ZFYVE28: variants seen among roughly 807,000 people sequenced by gnomAD.
ZFYVE28 encodes zinc finger FYVE-type containing 28.
In ZFYVE28, 40 loss-of-function variants were observed where a neutral mutation model predicts 82.1. The observed-to-expected ratio is 0.49, with a 90% CI of 0.38 to 0.63. The LOEUF (loss-of-function observed/expected upper bound fraction) is 0.63, where lower values mean the gene tolerates loss of function less well. ZFYVE28 is among the 30% of genes least tolerant of loss of function. The pLI is 0.00. For missense variants in ZFYVE28, 1,321 were observed against 1,242.1 expected (o/e 1.06, Z -0.96); for synonymous variants, 612 against 546.1 (o/e 1.12, Z -1.68).
At chr4:2,387,213 C>T (rs1369843655) in intron 1 of ZFYVE28, among the ~76,000 whole-genome samples, 1 of 148,686 alleles carries the variant, frequency 6.7e-6, no homozygotes, top group Non-Finnish European at 1.5e-5. Context: ...TGGCAGTCCA[C>T]TGGGAACCCG....
Position 2,339,141 on chromosome 4 carries a change from C to T in ZFYVE28, c.521+312G>A, listed in dbSNP as rs1315295767. On this transcript the variant is annotated intron_variant, in intron 4 of 12. Coordinates refer to ENST00000290974, the MANE Select transcript of ZFYVE28 (RefSeq NM_020972.3). The surrounding 1 kb of genome is among the most constrained non-coding windows in gnomAD (Gnocchi z 5.0). ...GCCTCTGTTTTCTTCTCACCTGTGA[C>T]GTCTCTTCATCTTCCGAGGCATCAT... is the stretch of plus-strand genomic sequence containing the variant. 3.9e-5 allele frequency among the ~76,000 whole-genome samples: 6 copies of T among 152,164 alleles called. No homozygotes were observed. The highest frequency in any genetic ancestry group is 6.5e-5 in the Admixed American group (1 of 15,276).
Position 2,418,265 on chromosome 4 carries a change from G to C in ZFYVE28, c.39+20C>G. 1.3e-6 allele frequency: 2 copies of C among 1,535,556 alleles called. No individual in the cohort carries two copies. The highest frequency in any genetic ancestry group is 1.8e-6 in the Non-Finnish European group (2 of 1,140,434). ...GAGGCCGCGACGCGGGGGGCGTCCGGCCCGAGCGGGGCCGCTCACCTTGGG... is the reference window on the plus strand; with the variant it reads ...GAGGCCGCGACGCGGGGGGCGTCCGCCCCGAGCGGGGCCGCTCACCTTGGG... On this transcript the variant is annotated intron_variant, in intron 1 of 12. Transcript: ENST00000290974. This position sits in a 1 kb window ranked among gnomAD's most constrained non-coding sequence, Gnocchi z 4.6.
chr4:2,281,981 C>T lies in ZFYVE28; in HGVS notation c.2052-7765G>A, dbSNP rs543731523. ...CAGTACGGGTGAGATACAGCCACAG[C>T]TCAAGTCACAGAAAGACAGGGAGCC... On this transcript the variant is annotated intron_variant, in intron 8 of 12. Transcript: ENST00000290974. 7.9e-5 allele frequency among the ~76,000 whole-genome samples: 12 copies of T among 152,322 alleles called. No individual in the cohort carries two copies. The South Asian group carries it at 2.3e-3, about 29-fold the overall frequency.
rs561837842 is a variant in ZFYVE28 at position 2,270,854 on chromosome 4, G to C, written c.2535C>G (p.Ile845Met). The C allele has an allele frequency of 6.2e-7, 1 of 1,612,728 alleles. No homozygotes were observed. The highest frequency in any genetic ancestry group is 1.3e-5 in the African/African-American group (1 of 75,046). The change falls in exon 13 of 13, where the codon ATC (isoleucine) becomes ATG (methionine). Residue 845 changes from isoleucine to methionine, a missense_variant and splice_region_variant. Physicochemically the swap from Ile to Met is conservative, Grantham distance 10. Coordinates refer to ENST00000290974, the MANE Select transcript of ZFYVE28 (RefSeq NM_020972.3). Reference protein sequence around the residue: ...RKHHCRSCGKIFCSRCSSHSA... With the variant: ...RKHHCRSCGKMFCSRCSSHSA... ...AGTGCGAGGAGCAGCGCGAGCAGAAGATCTGGAATGGGGTTGGGGCAGTGA... is the reference window on the plus strand; with the variant it reads ...AGTGCGAGGAGCAGCGCGAGCAGAACATCTGGAATGGGGTTGGGGCAGTGA...
At chr4:2,292,973 G>C (rs1713962204) in intron 8 of ZFYVE28, among the ~76,000 whole-genome samples, 1 of 152,158 alleles carries the variant, frequency 6.6e-6, no homozygotes, top group African/African-American at 2.4e-5. Context: ...GGACTGCAAG[G>C]CTGGCCGAAC....
In ZFYVE28 at chr4:2,273,044, T is replaced by G. The variant is rs1360635343; in HGVS notation, c.2323+129A>C. 6 of 736,120 alleles carry G rather than the reference T, an allele frequency of 8.2e-6. No homozygotes were observed. The East Asian group carries it at 1.6e-4, about 19-fold the overall frequency. The allele number at this position is 736,120 out of a possible 1,614,324, so 45.6% of individuals were successfully genotyped here. The stretch of plus-strand genomic sequence containing the variant: ...GTGCAGAGGTCAGGGGATCCTGGGG[T>G]CGACGATTGCTTGGTCGGGACCCTA... On this transcript the variant is annotated intron_variant, in intron 10 of 12. Coordinates refer to ENST00000290974, the MANE Select transcript of ZFYVE28 (RefSeq NM_020972.3).
At chr4:2,376,371 TAAAAAAAA>T (rs55652132) in intron 1 of ZFYVE28, among the ~76,000 whole-genome samples, 3 of 75,748 alleles carry the variant, frequency 4.0e-5, no homozygotes, top group Non-Finnish European at 4.8e-5. Context: ...ACCCTATCTC[TAAAAAAAA>T]AAAAAAAAAA....
At chr4:2,371,263 T>C (rs918083955) in intron 1 of ZFYVE28, among the ~76,000 whole-genome samples, 1 of 152,226 alleles carries the variant, frequency 6.6e-6, no homozygotes, top group Non-Finnish European at 1.5e-5. Flanking sequence ...GCCCGCGTCG[T>C]GCTCCCTGGC....
chr4:2,292,320 G>A (rs1480471463), intron 8 of ZFYVE28, among the ~76,000 whole-genome samples: 2 of 152,230 alleles, frequency 1.3e-5, no homozygotes, highest in South Asian at 2.1e-4. Context: ...GCAGCCATGG[G>A]CTGAACGATG....
intron 1 of ZFYVE28, among the ~76,000 whole-genome samples, chr4:2,389,658 G>A (rs979916606): frequency 1.7e-4 from 26 of 152,184 alleles, no homozygotes; most frequent in Admixed American, 1.6e-3. Flanking sequence ...TCCATTCCCC[G>A]ATCCGGCTCC....
intron 7 of ZFYVE28, among the ~76,000 whole-genome samples, chr4:2,313,555 G>A (rs1416341542): frequency 6.6e-6 from 1 of 152,104 alleles, no homozygotes; most frequent in Non-Finnish European, 1.5e-5. Flanking sequence ...ACTGCACTCA[G>A]CCTCCACATA....
At chr4:2,328,192 T>C (rs536286453) in intron 6 of ZFYVE28, among the ~76,000 whole-genome samples, 2 of 152,290 alleles carry the variant, frequency 1.3e-5, no homozygotes, top group South Asian at 2.1e-4. Context: ...AAATGTGGTA[T>C]ATATACACAA....
At chr4:2,334,956 C>T (rs1015368094) in intron 6 of ZFYVE28, among the ~76,000 whole-genome samples, 15 of 149,406 alleles carry the variant, frequency 1.0e-4, no homozygotes, top group African/African-American at 3.7e-4. Context: ...GGGGAATCCC[C>T]GTCTGGAGTC....
chr4:2,274,367 A>T, intron 8 of ZFYVE28, 151 bp from the exon 9 acceptor site: 9 of 985,010 alleles, frequency 9.1e-6, no homozygotes, highest in Non-Finnish European at 1.3e-5. Flanking sequence ...ACTTTCCTGT[A>T]ACTTCACCTA....
At chr4:2,284,700 G>C (rs1014050824) in intron 8 of ZFYVE28, among the ~76,000 whole-genome samples, 1 of 152,196 alleles carries the variant, frequency 6.6e-6, no homozygotes, top group Non-Finnish European at 1.5e-5. Context: ...CCGGGGGGCT[G>C]AGTCTGCAAT....
In ZFYVE28 at chr4:2,416,965, G is replaced by A. The variant is rs1365295998; in HGVS notation, c.39+1320C>T. 6.6e-6 allele frequency among the ~76,000 whole-genome samples: 1 copy of A among 152,234 alleles called. No individual in the cohort carries two copies. Among genetic ancestry groups the A allele is most frequent in the African/African-American group, 2.4e-5 (1 of 41,474 alleles). On this transcript the variant is annotated intron_variant, in intron 1 of 12. Coordinates refer to ENST00000290974, the MANE Select transcript of ZFYVE28 (RefSeq NM_020972.3). This position sits in a 1 kb window ranked among gnomAD's most constrained non-coding sequence, Gnocchi z 4.6. ...CCTGAGTGAGCCCTCAAACCTCCGT[G>A]CCGATCTTCCAAACCCACCTCCCGC...
intron 1 of ZFYVE28, among the ~76,000 whole-genome samples, chr4:2,356,567 G>A (rs574120771): frequency 2.0e-5 from 3 of 152,214 alleles, no homozygotes; most frequent in Non-Finnish European, 4.4e-5. Context: ...CCTGCACTTT[G>A]TGCCTTTCTG....
Position 2,339,779 on chromosome 4 carries a change from T to C in ZFYVE28, c.319-124A>G. On this transcript the variant is annotated intron_variant, in intron 3 of 12. Coordinates refer to ENST00000290974, the MANE Select transcript of ZFYVE28 (RefSeq NM_020972.3). This position sits in a 1 kb window ranked among gnomAD's most constrained non-coding sequence, Gnocchi z 5.0. ...TTCTCACCCCACAGCACAGGCCAGCTCGTGTTCCCGGTCCCCGCAGGAGGT... is the reference window on the plus strand; with the variant it reads ...TTCTCACCCCACAGCACAGGCCAGCCCGTGTTCCCGGTCCCCGCAGGAGGT... 1.2e-6 allele frequency: 1 copy of C among 824,036 alleles called. No homozygotes were observed. The highest frequency in any genetic ancestry group is 1.9e-6 in the Non-Finnish European group (1 of 540,008). 51.0% of individuals were successfully genotyped at this position (824,036 alleles called of 1,614,324 possible). A position where few individuals can be genotyped will look rare whatever the true frequency, so the allele number is the denominator to read the frequency against.
intron 8 of ZFYVE28, among the ~76,000 whole-genome samples, chr4:2,299,271 G>C (rs937805029): frequency 6.6e-6 from 1 of 152,244 alleles, no homozygotes; most frequent in Middle Eastern, 3.4e-3. Flanking sequence ...ATCAGAGGGG[G>C]CAAACCTCAG....
Sources: gnomAD v4.1 joint callset for allele counts (sites outside exome capture counted in the v4.1 genomes callset) on GRCh38, gnomAD v4.1.1 for gene constraint, Gnocchi (gnomAD v3.1) non-coding constraint, MANE v1.5 for transcripts, NCBI Gene and HGNC (gene_info 2026-07-23, HGNC 2026-07-21) for gene names.